The following GABRB3 variants were observed in gnomAD, a reference collection of about 807,000 sequenced individuals.
GABRB3 encodes the protein gamma-aminobutyric acid receptor subunit beta-3.
A neutral mutation model predicts 52.1 loss-of-function variants in GABRB3; 14 were observed. That is an observed-to-expected ratio of 0.27 (90% CI 0.18 to 0.42). The LOEUF (loss-of-function observed/expected upper bound fraction) is 0.42. Among genes scored for constraint, GABRB3 ranks in the 10% least tolerant of loss-of-function variants. The pLI is 1.00. For synonymous variants in GABRB3, 260 were observed against 232.3 expected, an observed-to-expected ratio of 1.12 and a Z score of -1.08; for missense variants, 307 against 609.1, an observed-to-expected ratio of 0.50 and a Z score of 5.22.
chr15:26,554,150 A>G lies in GABRB3; in HGVS notation c.1081-6016T>C, dbSNP rs1288902979. 2.1e-3 allele frequency among the ~76,000 whole-genome samples: 144 copies of G among 69,780 alleles called. 8 individuals carry two copies. The highest frequency in any genetic ancestry group is 9.0e-3 in the African/African-American group (134 of 14,912). 45.8% of individuals were successfully genotyped at this position (69,780 alleles called of 152,430 possible). On this transcript the variant is annotated intron_variant, in intron 8 of 8. Coordinates refer to ENST00000311550, the MANE Select transcript of GABRB3 (RefSeq NM_000814.6). ...GTGTATATATATATATAAAGTATAT[A>G]TATATATAAAGTATATATATATAAA...
chr15:26,560,853 C>T, intron 8 of GABRB3, 79 bp downstream of exon 8: 2 of 1,600,204 alleles, frequency 1.2e-6, no homozygotes. Flanking sequence ...GGGGAAAAAA[C>T]AAAGAAATAT....
chr15:26,586,415 C>CACACACACACACACACACAT (rs1890988582), intron 4 of GABRB3, among the ~76,000 whole-genome samples: 1 of 151,466 alleles, frequency 6.6e-6, no homozygotes, highest in South Asian at 2.1e-4. Context: ...CACACACACA[C>CACACACACACACACACACAT]ACACACACAC....
chr15:26,588,048 T>C (rs1041678721), intron 4 of GABRB3, among the ~76,000 whole-genome samples: 1 of 152,154 alleles, frequency 6.6e-6, no homozygotes, highest in African/African-American at 2.4e-5. Context: ...CAGCAGTGCT[T>C]AGGGTCTCTG....
rs760251280 is a variant in GABRB3 at position 26,621,536 on chromosome 15, TG to T, written c.241-3del. 1.6e-5 allele frequency: 25 copies of T among 1,608,870 alleles called. No homozygotes were observed. The highest frequency in any genetic ancestry group is 2.0e-5 in the Non-Finnish European group (23 of 1,175,588). On this transcript the variant is annotated splice_region_variant and splice_polypyrimidine_tract_variant and intron_variant, in intron 3 of 8. Coordinates refer to ENST00000311550, the MANE Select transcript of GABRB3 (RefSeq NM_000814.6). The surrounding 1 kb of genome is among the most constrained non-coding windows in gnomAD (Gnocchi z 4.1). The stretch of plus-strand genomic sequence containing the variant: ...AAAATACATGGTTAAGGTATAATCC[TG>T]GGGGGAAAAGAAAAGAAAGAAAGTT...
At chr15:26,704,267 T>C (rs1889026733) in intron 3 of GABRB3, among the ~76,000 whole-genome samples, 1 of 152,244 alleles carries the variant, frequency 6.6e-6, no homozygotes, top group Non-Finnish European at 1.5e-5. Flanking sequence ...GAGAAAAGAC[T>C]TAAAGTAGCC....
chr15:26,581,667 C>T (rs1428353502), intron 5 of GABRB3, among the ~76,000 whole-genome samples: 1 of 151,854 alleles, frequency 6.6e-6, no homozygotes, highest in Non-Finnish European at 1.5e-5. Flanking sequence ...CTCCTGGGTC[C>T]TGTGCAGGGA....
At chr15:26,550,913 G>A (rs1456424216) in intron 8 of GABRB3, among the ~76,000 whole-genome samples, 1 of 152,208 alleles carries the variant, frequency 6.6e-6, no homozygotes, top group Non-Finnish European at 1.5e-5. Flanking sequence ...GGAGGTGAGA[G>A]GGAAGATACA....
In GABRB3 at chr15:26,565,056, ACTGTG is replaced by A. The variant is rs1331300231; in HGVS notation, c.835+2520_835+2524del. Among the ~76,000 whole-genome samples the A allele has an allele frequency of 2.6e-5, 4 of 152,320 alleles. No individual in the cohort carries two copies. The East Asian group carries it at 7.7e-4, about 29-fold the overall frequency. On this transcript the variant is annotated intron_variant, in intron 7 of 8. Transcript: ENST00000311550. Reference sequence around the variant, plus strand: ...TAAAACTGGAGCAATAATACTTCGTACTGTGCTGTGAGTCTTCTCCAGAACAGATA... The same window carrying A: ...TAAAACTGGAGCAATAATACTTCGTACTGTGAGTCTTCTCCAGAACAGATA...
At position 26,764,123 on chromosome 15, in the gene GABRB3, C is replaced by G. The variant is rs1374106055; in HGVS notation, c.240+8279G>C. Among the ~76,000 whole-genome samples, 10 of 133,528 alleles carry G rather than the reference C, an allele frequency of 7.5e-5. No homozygotes were observed. The Admixed American group carries it at 8.0e-4, about 11-fold the overall frequency. 87.6% of individuals were successfully genotyped at this position (133,528 alleles called of 152,430 possible). A position where few individuals can be genotyped will look rare whatever the true frequency, so the allele number is the denominator to read the frequency against. Reference sequence around the variant, plus strand: ...TGAGATCGCACCATTGCACTCCAGCCTGGGCAACAGTGAGAGACTCGGTCT... The same window carrying G: ...TGAGATCGCACCATTGCACTCCAGCGTGGGCAACAGTGAGAGACTCGGTCT... On this transcript the variant is annotated intron_variant, in intron 3 of 8. Coordinates refer to ENST00000311550, the MANE Select transcript of GABRB3 (RefSeq NM_000814.6).
chr15:26,702,219 T>A (rs1888959536), intron 3 of GABRB3, among the ~76,000 whole-genome samples: 1 of 151,776 alleles, frequency 6.6e-6, no homozygotes, highest in Admixed American at 6.5e-5. Context: ...AAGCACAATT[T>A]GTAAAAAACA....
chr15:26,579,303 G>A (rs2140727825), intron 6 of GABRB3, among the ~76,000 whole-genome samples: 1 of 152,316 alleles, frequency 6.6e-6, no homozygotes, highest in East Asian at 1.9e-4. Context: ...AAGGTGGTCA[G>A]TACTGCCCTG....
intron 4 of GABRB3, among the ~76,000 whole-genome samples, chr15:26,617,491 A>G (rs1267597635): frequency 6.6e-6 from 1 of 152,182 alleles, no homozygotes; most frequent in Non-Finnish European, 1.5e-5. Flanking sequence ...CTCTCAATAA[A>G]TTAGGTATTG....
intron 3 of GABRB3, among the ~76,000 whole-genome samples, chr15:26,762,505 C>T (rs567244145): frequency 6.6e-5 from 10 of 152,132 alleles, no homozygotes; most frequent in African/African-American, 1.9e-4. Flanking sequence ...TAATTAAGGG[C>T]CCCTCACCCC....
At chr15:26,768,178 T>C (rs747534124) in intron 3 of GABRB3, among the ~76,000 whole-genome samples, 3 of 152,158 alleles carry the variant, frequency 2.0e-5, no homozygotes, top group Non-Finnish European at 2.9e-5. Context: ...TAATTTATTA[T>C]TTATACACAT....
chr15:26,751,959 T>C (rs539239243), intron 3 of GABRB3, among the ~76,000 whole-genome samples: 4 of 152,290 alleles, frequency 2.6e-5, no homozygotes, highest in East Asian at 3.9e-4. Flanking sequence ...AAAATATAAA[T>C]GTATCTGAGG....
intron 3 of GABRB3, among the ~76,000 whole-genome samples, chr15:26,699,691 A>T (rs1888864063): frequency 6.6e-6 from 1 of 152,146 alleles, no homozygotes; most frequent in Non-Finnish European, 1.5e-5. Context: ...ATACACTAGA[A>T]CTTGCAGGAG....
chr15:26,724,657 C>G (rs1194279422), intron 3 of GABRB3, among the ~76,000 whole-genome samples: 1 of 152,132 alleles, frequency 6.6e-6, no homozygotes, highest in Non-Finnish European at 1.5e-5. Flanking sequence ...CTGAAAACTC[C>G]ACCCTCAGAT....
intron 3 of GABRB3, among the ~76,000 whole-genome samples, chr15:26,682,223 A>G (rs1218086841): frequency 1.3e-5 from 2 of 152,064 alleles, no homozygotes; most frequent in Admixed American, 6.6e-5. Flanking sequence ...TCCCCTTCAC[A>G]TTCACAACGT....
chr15:26,619,841 T>C (rs1261130286), intron 4 of GABRB3, among the ~76,000 whole-genome samples: 2 of 151,300 alleles, frequency 1.3e-5, no homozygotes, highest in Non-Finnish European at 2.9e-5. Context: ...AACACACACA[T>C]TACCACACAA....
Sources: allele counts gnomAD v4.1 joint callset (sites outside exome capture counted in the v4.1 genomes callset), GRCh38; gene constraint gnomAD v4.1.1; non-coding constraint Gnocchi (gnomAD v3.1); transcripts MANE v1.5; gene names NCBI Gene and HGNC (gene_info 2026-07-23, HGNC 2026-07-21).